The following CDKN2B-AS1 variants were observed in gnomAD, a reference collection of about 807,000 sequenced individuals.
CDKN2B-AS1 encodes CDKN2B antisense RNA 1 (non-protein coding).
At chr9:22,067,525 AACACACACACACACGCACGC>A (rs1230533206) in intron 4 of CDKN2B-AS1, among the ~76,000 whole-genome samples, 1 of 151,742 alleles carries the variant, frequency 6.6e-6, no homozygotes, top group Non-Finnish European at 1.5e-5. Flanking sequence ...AAATAAAAAG[AACACACACACACACGCACGC>A]ACACACACAC....
At chr9:22,101,281 T>G (rs1002436708) in intron 4 of CDKN2B-AS1, among the ~76,000 whole-genome samples, 1 of 151,982 alleles carries the variant, frequency 6.6e-6, no homozygotes, top group African/African-American at 2.4e-5. Flanking sequence ...CTTTCAATGC[T>G]CATAACAATC....
At chr9:22,068,362 T>C (rs1344660924) in intron 4 of CDKN2B-AS1, among the ~76,000 whole-genome samples, 1 of 152,150 alleles carries the variant, frequency 6.6e-6, no homozygotes, top group Non-Finnish European at 1.5e-5. Flanking sequence ...CAAGGGAATA[T>C]AATCTAATCT....
chr9:22,015,585 C>CA (rs1684892843), intron 1 of CDKN2B-AS1, among the ~76,000 whole-genome samples: 3 of 151,914 alleles, frequency 2.0e-5, no homozygotes, highest in African/African-American at 7.2e-5. Flanking sequence ...ATTGAATCTT[C>CA]AATTCATTAA....
chr9:22,044,901 G>T (rs115248370), intron 1 of CDKN2B-AS1, among the ~76,000 whole-genome samples: 1,731 of 152,038 alleles, frequency 0.011, 28 homozygotes, highest in African/African-American at 0.039. Flanking sequence ...TCTCTCCTAA[G>T]AATACTACTC....
At chr9:22,126,571 A>ATTTTTTTT (rs1818026896) in intron 4 of CDKN2B-AS1, among the ~76,000 whole-genome samples, 1 of 100,600 alleles carries the variant, frequency 9.9e-6, no homozygotes, top group African/African-American at 4.4e-5. Context: ...GAGTAAGTGG[A>ATTTTTTTT]TTCTTTTTTT....
In CDKN2B-AS1 at chr9:22,107,000, A is replaced by G. The variant is rs554685060; in HGVS notation, n.439-20103A>G. On this transcript the variant is annotated intron_variant and non_coding_transcript_variant, in intron 4 of 4. Coordinates refer to ENST00000650946, the Ensembl canonical transcript of CDKN2B-AS1. Reference sequence around the variant, plus strand: ...GTCCTATCAGAAACTGTACTAGGATAGTCTGCATTTCATGGTAAAGACTAT... The same window carrying G: ...GTCCTATCAGAAACTGTACTAGGATGGTCTGCATTTCATGGTAAAGACTAT... 1.2e-4 allele frequency among the ~76,000 whole-genome samples: 19 copies of G among 152,218 alleles called. No individual in the cohort carries two copies. The South Asian group carries it at 3.9e-3, about 32-fold the overall frequency.
At chr9:22,073,900 G>A (rs936033442) in intron 4 of CDKN2B-AS1, among the ~76,000 whole-genome samples, 1 of 148,058 alleles carries the variant, frequency 6.8e-6, no homozygotes, top group African/African-American at 2.6e-5. Context: ...ATCTTGCTCT[G>A]TCTCCCAGGC....
At chr9:22,032,285 C>G (rs1406988361) in intron 1 of CDKN2B-AS1, among the ~76,000 whole-genome samples, 1 of 152,184 alleles carries the variant, frequency 6.6e-6, no homozygotes, top group Non-Finnish European at 1.5e-5. Flanking sequence ...ATTGTGACTT[C>G]TAACACTGGA....
chr9:22,119,501 A>G (rs1260288433), intron 4 of CDKN2B-AS1: 1 of 152,222 alleles, frequency 6.6e-6, no homozygotes, highest in Admixed American at 6.5e-5. Flanking sequence ...GAAATGAGGA[A>G]GAACAAGGAA....
At chr9:22,075,762 A>C (rs1824467908) in intron 4 of CDKN2B-AS1, among the ~76,000 whole-genome samples, 1 of 152,220 alleles carries the variant, frequency 6.6e-6, no homozygotes, top group Admixed American at 6.5e-5. Flanking sequence ...TGGGACACCT[A>C]AGGGACAACC....
At chr9:22,025,272 G>A (rs1822184993) in intron 1 of CDKN2B-AS1, among the ~76,000 whole-genome samples, 1 of 152,184 alleles carries the variant, frequency 6.6e-6, no homozygotes, top group Non-Finnish European at 1.5e-5. Flanking sequence ...TGGGGGGTGG[G>A]GTGGGACCTG....
At chr9:22,026,479 C>T (rs2131235395) in intron 1 of CDKN2B-AS1, among the ~76,000 whole-genome samples, 1 of 152,310 alleles carries the variant, frequency 6.6e-6, no homozygotes, top group Middle Eastern at 3.4e-3. Flanking sequence ...CTAAGTTGCC[C>T]AAACAGCAGA....
chr9:22,102,671 C>A (rs1228364393), intron 4 of CDKN2B-AS1, among the ~76,000 whole-genome samples: 1 of 152,124 alleles, frequency 6.6e-6, no homozygotes, highest in East Asian at 1.9e-4. Flanking sequence ...AAGACACTCA[C>A]CTAAAACCCA....
chr9:22,021,623 C>T (rs1006381206), intron 1 of CDKN2B-AS1, among the ~76,000 whole-genome samples: 4 of 151,930 alleles, frequency 2.6e-5, no homozygotes, highest in African/African-American at 9.7e-5. Context: ...TGTGGTTCTC[C>T]TTGTAGAGAT....
At chr9:22,075,362 G>C (rs972142495) in intron 4 of CDKN2B-AS1, among the ~76,000 whole-genome samples, 3 of 152,160 alleles carry the variant, frequency 2.0e-5, no homozygotes, top group Admixed American at 2.0e-4. Context: ...AACTTAAAGA[G>C]TGGTGATGAA....
rs932881864 is a variant in CDKN2B-AS1 at position 21,999,491 on chromosome 9, CAT to C, written n.29+4338_29+4339del. On this transcript the variant is annotated intron_variant and non_coding_transcript_variant, in intron 1 of 4. Transcript: ENST00000650946. This position sits in a 1 kb window ranked among gnomAD's most constrained non-coding sequence, Gnocchi z 4.7. ...ATGGGAAGATGTATACACATGTACACATATATATACATACATATGTATATATG... is the reference window on the plus strand; with the variant it reads ...ATGGGAAGATGTATACACATGTACACATATATACATACATATGTATATATG... Among the ~76,000 whole-genome samples, 3 of 151,720 alleles carry C rather than the reference CAT, an allele frequency of 2.0e-5. No homozygotes were observed. The highest frequency in any genetic ancestry group is 1.9e-4 in the East Asian group (1 of 5,186).
rs147292337 is a variant in CDKN2B-AS1 at position 22,089,603 on chromosome 9, C to T, written n.438+33216C>T. 4.0e-3 allele frequency among the ~76,000 whole-genome samples: 610 copies of T among 151,982 alleles called. 6 individuals carry two copies. The highest frequency in any genetic ancestry group is 0.014 in the African/African-American group (572 of 41,434). The stretch of plus-strand genomic sequence containing the variant: ...ATGCCACCATGCCTGGCTAATATCT[C>T]TCTTTTCTTTTTTTTTCCCCTTATT... On this transcript the variant is annotated intron_variant and non_coding_transcript_variant, in intron 4 of 4. Transcript: ENST00000650946.
chr9:22,089,646 C>T (rs979322136), intron 4 of CDKN2B-AS1, among the ~76,000 whole-genome samples: 10 of 151,782 alleles, frequency 6.6e-5, no homozygotes, highest in African/African-American at 2.2e-4. Flanking sequence ...GACAAGTTTT[C>T]TCCATGTTGC....
intron 1 of CDKN2B-AS1, among the ~76,000 whole-genome samples, chr9:22,038,552 T>C (rs1822779006): frequency 6.6e-6 from 1 of 152,024 alleles, no homozygotes; most frequent in South Asian, 2.1e-4. Flanking sequence ...ATATCCATAC[T>C]TGGGATGGAT....
Sources: gnomAD v4.1 joint callset for allele counts (sites outside exome capture counted in the v4.1 genomes callset) on GRCh38, gnomAD v4.1.1 for gene constraint, Gnocchi (gnomAD v3.1) non-coding constraint, MANE v1.5 for transcripts, NCBI Gene and HGNC (gene_info 2026-07-23, HGNC 2026-07-21) for gene names.